The following TRHDE variants were observed in gnomAD, a reference collection of about 807,000 sequenced individuals.
TRHDE encodes the protein thyrotropin-releasing hormone-degrading ectoenzyme.
Under a neutral mutation model 125.7 loss-of-function variants are expected in TRHDE, and 72 were observed. That is an observed-to-expected ratio of 0.57 (90% confidence interval 0.47 to 0.70). The LOEUF is 0.70. TRHDE is among the 30% of genes least tolerant of loss of function. The probability of loss-of-function intolerance (pLI) is 0.00; values close to 1 mark genes in which losing one functional copy is unlikely to be tolerated. For missense variants in TRHDE, 1,110 were observed against 1,327.1 expected, an observed-to-expected ratio of 0.84 and a Z score of 2.54; for synonymous variants, 509 against 509.1, an observed-to-expected ratio of 1.00 and a Z score of 0.00.
At chr12:72,648,834 A>C in intron 15 of TRHDE, among the ~76,000 whole-genome samples, 1 of 152,110 alleles carries the variant, frequency 6.6e-6, no homozygotes, top group East Asian at 1.9e-4. Flanking sequence ...ACTTAGAAAT[A>C]AACTGAACTA....
At chr12:72,335,593 T>G (rs1259579923) in intron 2 of TRHDE, among the ~76,000 whole-genome samples, 1 of 152,210 alleles carries the variant, frequency 6.6e-6, no homozygotes, top group East Asian at 1.9e-4. Flanking sequence ...CCATGAGCAC[T>G]GTAATATGAG....
At chr12:72,526,820 T>C (rs111594397) in intron 6 of TRHDE, among the ~76,000 whole-genome samples, 2,328 of 152,236 alleles carry the variant, frequency 0.015, 62 homozygotes, top group African/African-American at 0.052. Context: ...GAATTACAAT[T>C]TAATGATTAA....
chr12:72,328,654 A>G (rs1388217483), intron 2 of TRHDE, among the ~76,000 whole-genome samples: 1 of 152,152 alleles, frequency 6.6e-6, no homozygotes, highest in Non-Finnish European at 1.5e-5. Context: ...CTACACATGC[A>G]TAATAAGTCA....
intron 3 of TRHDE, among the ~76,000 whole-genome samples, chr12:72,413,437 T>G (rs1204623098): frequency 7.0e-6 from 1 of 143,778 alleles, no homozygotes; most frequent in African/African-American, 2.8e-5. Flanking sequence ...ATAAAAAATC[T>G]TATTAATTTT....
rs146653576 is a variant in TRHDE at position 72,468,344 on chromosome 12, A to T, written c.1316-1414A>T. ...TCTAGTGGTGAGATCAATTGTTTTG[A>T]TTGCTGTGTAATATTCCTTTATATA... On this transcript the variant is annotated intron_variant, in intron 3 of 18. Coordinates refer to ENST00000261180, the MANE Select transcript of TRHDE (RefSeq NM_013381.3). 3.1e-3 allele frequency among the ~76,000 whole-genome samples: 466 copies of T among 152,260 alleles called. 1 individual carries two copies. Among genetic ancestry groups the T allele is most frequent in the Non-Finnish European group, 4.2e-3 (283 of 68,016 alleles).
intron 2 of TRHDE, among the ~76,000 whole-genome samples, chr12:72,189,073 A>G (rs1001084591): frequency 6.6e-6 from 1 of 152,258 alleles, no homozygotes; most frequent in East Asian, 1.9e-4. Flanking sequence ...CAGGAAAAGA[A>G]AGAATGAATA....
intron 3 of TRHDE, among the ~76,000 whole-genome samples, chr12:72,397,050 A>G (rs980744069): frequency 1.8e-4 from 27 of 152,178 alleles, no homozygotes; most frequent in African/African-American, 5.8e-4. Context: ...GAAATTTCCA[A>G]TGTGAAATTC....
At chr12:72,279,400 A>C (rs74103696) in intron 1 of TRHDE, among the ~76,000 whole-genome samples, 4 of 151,970 alleles carry the variant, frequency 2.6e-5, no homozygotes, top group Non-Finnish European at 5.9e-5. Flanking sequence ...CATCATCACC[A>C]TCATCATCAT....
chr12:72,369,148 C>T (rs547867092), intron 2 of TRHDE, among the ~76,000 whole-genome samples: 1 of 152,060 alleles, frequency 6.6e-6, no homozygotes, highest in Admixed American at 6.6e-5. Flanking sequence ...ACATTTATAG[C>T]GAGTCCATGA....
rs568622388 is a variant in TRHDE, at chr12:72,205,512, T to C, written n.279+99760T>C. On this transcript the variant is annotated intron_variant and non_coding_transcript_variant, in intron 2 of 4. Transcript: ENST00000548156. Reference sequence around the variant, plus strand: ...ATACCCACTGAAAAACAACTCTCCATTTCCCTCTTCCCCCAGCCCTTGGCA... The same window carrying C: ...ATACCCACTGAAAAACAACTCTCCACTTCCCTCTTCCCCCAGCCCTTGGCA... Among the ~76,000 whole-genome samples the C allele has an allele frequency of 3.3e-5, 5 of 152,246 alleles. No homozygotes were observed. In the East Asian group the frequency reaches 9.6e-4, roughly 29 times the overall value.
intron 2 of TRHDE, among the ~76,000 whole-genome samples, chr12:72,194,770 A>T (rs1260047576): frequency 6.6e-6 from 1 of 152,140 alleles, no homozygotes. Flanking sequence ...TTCTTTATAC[A>T]GTCCACCATT....
intron 15 of TRHDE, among the ~76,000 whole-genome samples, chr12:72,622,929 A>G (rs972355023): frequency 6.6e-6 from 1 of 152,000 alleles, no homozygotes; most frequent in Non-Finnish European, 1.5e-5. Context: ...AGTATCATCT[A>G]CCAATTGATC....
chr12:72,645,511 A>C (rs1216474822), intron 15 of TRHDE, among the ~76,000 whole-genome samples: 8 of 152,170 alleles, frequency 5.3e-5, no homozygotes, highest in Non-Finnish European at 1.2e-4. Flanking sequence ...ACATCATGTA[A>C]GTCCAAGAAG....
intron 7 of TRHDE, among the ~76,000 whole-genome samples, chr12:72,556,485 G>T (rs953985581): frequency 6.6e-6 from 1 of 152,210 alleles, no homozygotes; most frequent in Admixed American, 6.5e-5. Context: ...GCTACCACAG[G>T]ACCCTCAGTG....
chr12:72,534,651 G>A (rs1010266909), intron 6 of TRHDE, among the ~76,000 whole-genome samples: 3 of 151,910 alleles, frequency 2.0e-5, no homozygotes, highest in Admixed American at 2.0e-4. Context: ...ACCAAACACT[G>A]TACCAAGTAC....
intron 2 of TRHDE, chr12:72,163,123 C>G (rs1566257772): frequency 6.6e-6 from 1 of 152,142 alleles, no homozygotes; most frequent in Non-Finnish European, 1.5e-5. Flanking sequence ...GTTGAATTTA[C>G]AGTTTTACCA....
intron 2 of TRHDE, among the ~76,000 whole-genome samples, chr12:72,235,498 C>T (rs1405456644): frequency 6.6e-6 from 1 of 152,174 alleles, no homozygotes; most frequent in Non-Finnish European, 1.5e-5. Flanking sequence ...CTGTCTTTAT[C>T]AGTCAGCTAT....
intron 3 of TRHDE, among the ~76,000 whole-genome samples, chr12:72,379,328 C>T (rs954446145): frequency 1.3e-5 from 2 of 152,162 alleles, no homozygotes; most frequent in African/African-American, 4.8e-5. Flanking sequence ...AATTCATAGG[C>T]AAAATTTTAT....
At chr12:72,581,012 A>G (rs549947996) in intron 12 of TRHDE, among the ~76,000 whole-genome samples, 60 of 152,206 alleles carry the variant, frequency 3.9e-4, no homozygotes, top group Non-Finnish European at 7.8e-4. Context: ...AAAGTTTACT[A>G]TGGGAATACA....
Sources: allele counts gnomAD v4.1 joint callset (sites outside exome capture counted in the v4.1 genomes callset), GRCh38; gene constraint gnomAD v4.1.1; transcripts MANE v1.5; gene names NCBI Gene and HGNC (gene_info 2026-07-23, HGNC 2026-07-21).